Variants in RALYL observed in about 807,000 individuals in gnomAD.
The protein encoded by RALYL is RNA-binding Raly-like protein.
A neutral mutation model predicts 35.1 loss-of-function variants in RALYL; 29 were observed. The ratio of observed to expected loss-of-function variants is 0.83; its 90% CI spans 0.61 to 1.13. RALYL has a LOEUF of 1.13. RALYL is among the 50% of genes most tolerant of loss of function. RALYL has a pLI of 0.00. For missense variants in RALYL, 359 were observed against 360.4 expected, an observed-to-expected ratio of 1.00 and a Z score of 0.03; for synonymous variants, 120 against 127.6, an observed-to-expected ratio of 0.94 and a Z score of 0.40.
At chr8:84,324,779 C>A (rs16912690) in intron 1 of RALYL, among the ~76,000 whole-genome samples, 2 of 151,932 alleles carry the variant, frequency 1.3e-5, no homozygotes, top group African/African-American at 2.4e-5. Flanking sequence ...TATCACTTGA[C>A]GAATCAGGTT....
At chr8:84,836,262 A>T (rs1832000875) in intron 4 of RALYL, among the ~76,000 whole-genome samples, 1 of 152,166 alleles carries the variant, frequency 6.6e-6, no homozygotes, top group African/African-American at 2.4e-5. Context: ...TCATCCTTTA[A>T]ATGTGTGAGA....
intron 1 of RALYL, among the ~76,000 whole-genome samples, chr8:84,252,940 T>A (rs1468239611): frequency 6.6e-6 from 1 of 152,140 alleles, no homozygotes; most frequent in Non-Finnish European, 1.5e-5. Context: ...ATAGCTTTAT[T>A]TCCTTGCATA....
intron 2 of RALYL, chr8:84,679,260 G>A (rs1022267605): frequency 1.4e-5 from 3 of 207,546 alleles, no homozygotes; most frequent in Non-Finnish European, 2.0e-5. Context: ...TTCTAAGATT[G>A]ATCCAACAAT....
At chr8:84,704,090 T>A (rs556020570) in intron 2 of RALYL, among the ~76,000 whole-genome samples, 275 of 152,306 alleles carry the variant, frequency 1.8e-3, no homozygotes, top group Middle Eastern at 0.01. Flanking sequence ...TGAAAAAGAA[T>A]TTGTGATTGT....
chr8:84,905,671 T>C (rs1240221016), intron 8 of RALYL, among the ~76,000 whole-genome samples: 2 of 151,914 alleles, frequency 1.3e-5, no homozygotes, highest in Non-Finnish European at 2.9e-5. Flanking sequence ...ATTCCTTGAA[T>C]TTTCTGGCAC....
chr8:84,470,473 T>A (rs912172813), intron 1 of RALYL, among the ~76,000 whole-genome samples: 11 of 151,882 alleles, frequency 7.2e-5, no homozygotes, highest in Non-Finnish European at 1.6e-4. Flanking sequence ...TATGGGTTTT[T>A]TTTTTTTCTG....
At chr8:84,287,254 G>A (rs1454067060) in intron 1 of RALYL, among the ~76,000 whole-genome samples, 1 of 152,122 alleles carries the variant, frequency 6.6e-6, no homozygotes. Context: ...AAAATGGTGA[G>A]GGTGAGTTGA....
chr8:84,828,439 T>G (rs1233660460), intron 4 of RALYL: 1 of 152,292 alleles, frequency 6.6e-6, no homozygotes, highest in Non-Finnish European at 1.5e-5. Flanking sequence ...TCATTATATT[T>G]GCAGTATTAT....
intron 3 of RALYL, among the ~76,000 whole-genome samples, chr8:84,776,304 C>G (rs1315359043): frequency 1.3e-5 from 2 of 152,102 alleles, no homozygotes; most frequent in African/African-American, 4.8e-5. Flanking sequence ...CCCCAGGGCT[C>G]TCTACTGTAT....
intron 3 of RALYL, among the ~76,000 whole-genome samples, chr8:84,777,931 G>T (rs1041886854): frequency 1.4e-4 from 21 of 152,114 alleles, no homozygotes; most frequent in African/African-American, 5.1e-4. Context: ...GTGAGCCACC[G>T]CACCCGGCTT....
chr8:84,669,487 T>TTC (rs1832775064), intron 2 of RALYL, among the ~76,000 whole-genome samples: 2 of 15,538 alleles, frequency 1.3e-4, no homozygotes, highest in Non-Finnish European at 2.5e-4. Flanking sequence ...CCCTCCCCCC[T>TTC]CCCCCCCCCC....
intron 2 of RALYL, among the ~76,000 whole-genome samples, chr8:84,669,976 T>A (rs1319482949): frequency 6.6e-6 from 1 of 152,230 alleles, no homozygotes; most frequent in Non-Finnish European, 1.5e-5. Context: ...TGTTCATCTT[T>A]CTTAATATAG....
chr8:84,420,454 T>A (rs1449114139), intron 1 of RALYL, among the ~76,000 whole-genome samples: 3 of 151,714 alleles, frequency 2.0e-5, no homozygotes. Context: ...TAGCCCTATG[T>A]CAGATGAGTT....
At chr8:84,511,395 A>G (rs2057604984) in intron 1 of RALYL, among the ~76,000 whole-genome samples, 1 of 152,298 alleles carries the variant, frequency 6.6e-6, no homozygotes. Flanking sequence ...TACATTTTCA[A>G]TAAGTGTTAG....
intron 8 of RALYL, among the ~76,000 whole-genome samples, chr8:84,917,333 G>A (rs538558986): frequency 6.6e-6 from 1 of 151,946 alleles, no homozygotes; most frequent in Non-Finnish European, 1.5e-5. Context: ...AGAGAAGGTG[G>A]AATGGAGACA....
intron 2 of RALYL, among the ~76,000 whole-genome samples, chr8:84,713,202 G>T (rs1224101721): frequency 6.6e-6 from 1 of 151,886 alleles, no homozygotes; most frequent in Non-Finnish European, 1.5e-5. Flanking sequence ...ACCATTTATT[G>T]AAGAGACTAT....
intron 1 of RALYL, among the ~76,000 whole-genome samples, chr8:84,404,250 G>T (rs1042135628): frequency 5.3e-5 from 8 of 151,740 alleles, no homozygotes; most frequent in African/African-American, 1.2e-4. Context: ...GTCTTCTGCT[G>T]GTTTTCAAAG....
chr8:84,723,528 C>G (rs1844386533), intron 2 of RALYL, among the ~76,000 whole-genome samples: 1 of 151,932 alleles, frequency 6.6e-6, no homozygotes, highest in Non-Finnish European at 1.5e-5. Context: ...AAAAAGACTT[C>G]AGAGTTATCG....
intron 1 of RALYL, among the ~76,000 whole-genome samples, chr8:84,310,328 C>T (rs1842532829): frequency 6.6e-6 from 1 of 151,848 alleles, no homozygotes; most frequent in African/African-American, 2.4e-5. Context: ...CATGAGCCAC[C>T]ATGCCTGGCA....
Sources: allele counts gnomAD v4.1 joint callset (sites outside exome capture counted in the v4.1 genomes callset), GRCh38; gene constraint gnomAD v4.1.1; transcripts MANE v1.5; gene names NCBI Gene and HGNC (gene_info 2026-07-23, HGNC 2026-07-21).